The following ADGRA1 variants were observed in gnomAD, a reference collection of about 807,000 sequenced individuals.
ADGRA1 encodes the protein G-protein coupled receptor 123.
A neutral mutation model predicts 21.3 loss-of-function variants in ADGRA1; 12 were observed. The ratio of observed to expected loss-of-function variants is 0.56; its 90% CI spans 0.36 to 0.91. The LOEUF (loss-of-function observed/expected upper bound fraction) is 0.91, where lower values mean the gene tolerates loss of function less well. Ranked by LOEUF, ADGRA1 falls within the 40% of genes least tolerant of loss-of-function variation. The probability of loss-of-function intolerance (pLI) is 0.01; values close to 1 mark genes in which losing one functional copy is unlikely to be tolerated. For synonymous variants in ADGRA1, 385 were observed against 368.8 expected, an observed-to-expected ratio of 1.04 and a Z score of -0.50; for missense variants, 790 against 805.6, an observed-to-expected ratio of 0.98 and a Z score of 0.23.
chr10:133,087,993 C>T lies in ADGRA1; in HGVS notation c.-348C>T. 1.0e-6 allele frequency: 1 copy of T among 985,002 alleles called. No homozygotes were observed. The highest frequency in any genetic ancestry group is 1.2e-6 in the Non-Finnish European group (1 of 829,792). The allele number at this position is 985,002 out of a possible 1,614,324, so 61.0% of individuals were successfully genotyped here. On this transcript the variant is annotated 5_prime_UTR_variant, in exon 1 of 7. Coordinates refer to ENST00000392607, the MANE Select transcript of ADGRA1 (RefSeq NM_001083909.3). The stretch of plus-strand genomic sequence containing the variant: ...GGGGCTGTGACTCACCGGCCGGCGC[C>T]GCAGCCCCGCAATCTGTTGATAACT...
intron 5 of ADGRA1, among the ~76,000 whole-genome samples, chr10:133,117,280 T>TGCC (rs1175217435): frequency 6.6e-6 from 1 of 152,180 alleles, no homozygotes; most frequent in Admixed American, 6.5e-5. Flanking sequence ...CCCTGCCCAC[T>TGCC]GCCTGGGCCC....
At chr10:133,115,447 C>T (rs777687866) in intron 5 of ADGRA1, among the ~76,000 whole-genome samples, 1 of 152,210 alleles carries the variant, frequency 6.6e-6, no homozygotes, top group Non-Finnish European at 1.5e-5. Context: ...ACAGTCCTCA[C>T]GAGGCCACAG....
chr10:133,088,252 T>C (rs1250676499), intron 1 of ADGRA1, 114 bp downstream of exon 1: 1 of 370,808 alleles, frequency 2.7e-6, no homozygotes, highest in Non-Finnish European at 3.7e-6. Flanking sequence ...TCCGAGTAAC[T>C]TTCGGCTCCG....
chr10:133,114,375 A>T (rs528544458), intron 5 of ADGRA1, among the ~76,000 whole-genome samples: 1 of 152,334 alleles, frequency 6.6e-6, no homozygotes, highest in East Asian at 1.9e-4. Context: ...CAAGCGGACC[A>T]GAGCGGCGGT....
chr10:133,114,058 G>A (rs188773708), intron 5 of ADGRA1, among the ~76,000 whole-genome samples: 13 of 152,338 alleles, frequency 8.5e-5, no homozygotes, highest in South Asian at 4.1e-4. Context: ...TCTCCTGCCC[G>A]GTCCTGTTGT....
chr10:133,110,899 A>T (rs1052420085), intron 5 of ADGRA1, among the ~76,000 whole-genome samples: 2 of 152,150 alleles, frequency 1.3e-5, no homozygotes, highest in Non-Finnish European at 2.9e-5. Flanking sequence ...CCCTGGACAC[A>T]GGTGCTGCTG....
chr10:133,117,033 T>C (rs1591183601), intron 5 of ADGRA1, among the ~76,000 whole-genome samples: 1 of 152,070 alleles, frequency 6.6e-6, no homozygotes, highest in South Asian at 2.1e-4. Flanking sequence ...TCACGCTCTC[T>C]GTAGTGGGGT....
chr10:133,123,235 C>CT (rs1852309445), intron 5 of ADGRA1, among the ~76,000 whole-genome samples: 1 of 152,210 alleles, frequency 6.6e-6, no homozygotes, highest in Non-Finnish European at 1.5e-5. Context: ...GCATTGCTGG[C>CT]TGCGCCGTCC....
At chr10:133,128,253 G>A (rs1852420489) in intron 6 of ADGRA1, 76 bp from the exon 7 acceptor site, 2 of 1,158,468 alleles carry the variant, frequency 1.7e-6, no homozygotes, top group Non-Finnish European at 1.2e-6. Flanking sequence ...TGGGTGCAGG[G>A]CCCTTTGCTC....
At chr10:133,116,395 C>G (rs1852159530) in intron 5 of ADGRA1, among the ~76,000 whole-genome samples, 1 of 151,868 alleles carries the variant, frequency 6.6e-6, no homozygotes, top group Non-Finnish European at 1.5e-5. Flanking sequence ...CCTACGTGGT[C>G]CAGGCTTTGT....
At position 133,105,228 on chromosome 10, in the gene ADGRA1, A is replaced by G. The variant is rs901545305; in HGVS notation, c.401+2386A>G. On this transcript the variant is annotated intron_variant, in intron 5 of 6. Coordinates refer to ENST00000392607, the MANE Select transcript of ADGRA1 (RefSeq NM_001083909.3). ...GGCCGTTCCCATCCTGCCCTCTGAA[A>G]AGAATGCCCACACCACTTCCTGCCG... Among the ~76,000 whole-genome samples, 8 of 152,298 alleles carry G rather than the reference A, an allele frequency of 5.3e-5. No individual in the cohort carries two copies. In the South Asian group the frequency reaches 8.3e-4, roughly 16 times the overall value.
At chr10:133,120,079 T>G (rs1852227468) in intron 5 of ADGRA1, among the ~76,000 whole-genome samples, 1 of 152,246 alleles carries the variant, frequency 6.6e-6, no homozygotes, top group Admixed American at 6.5e-5. Flanking sequence ...TGGCATCTTC[T>G]TCCAGTAGAA....
At chr10:133,108,332 G>A (rs1851928817) in intron 5 of ADGRA1, among the ~76,000 whole-genome samples, 1 of 152,230 alleles carries the variant, frequency 6.6e-6, no homozygotes, top group Non-Finnish European at 1.5e-5. Flanking sequence ...CCTCAGCCTT[G>A]TAGGGGAGAG....
intron 2 of ADGRA1, among the ~76,000 whole-genome samples, chr10:133,096,569 A>T (rs1476843270): frequency 6.6e-6 from 1 of 152,230 alleles, no homozygotes; most frequent in Non-Finnish European, 1.5e-5. Flanking sequence ...GGCTGGGGCC[A>T]TCCCATGGTT....
chr10:133,090,134 G>A (rs1336278502), intron 2 of ADGRA1, among the ~76,000 whole-genome samples: 4 of 152,260 alleles, frequency 2.6e-5, no homozygotes, highest in Non-Finnish European at 5.9e-5. Context: ...GGGTGCTGCC[G>A]CAGCCCGGGG....
At chr10:133,096,741 C>T (rs1259637498) in intron 2 of ADGRA1, among the ~76,000 whole-genome samples, 2 of 152,216 alleles carry the variant, frequency 1.3e-5, no homozygotes, top group Non-Finnish European at 2.9e-5. Flanking sequence ...CAGTGGAGGG[C>T]GAGGACAGAC....
At chr10:133,093,321 C>G in intron 2 of ADGRA1, 4 of 1,521,668 alleles carry the variant, frequency 2.6e-6, no homozygotes, top group African/African-American at 2.7e-5. Context: ...CATCTTTCCT[C>G]CTTTGTTTTT....
intron 5 of ADGRA1, among the ~76,000 whole-genome samples, chr10:133,123,791 C>T (rs1219968525): frequency 6.6e-6 from 1 of 152,072 alleles, no homozygotes; most frequent in Non-Finnish European, 1.5e-5. Context: ...CCCTGAAAGC[C>T]AGCAGCCCTG....
At chr10:133,104,031 C>T (rs11101929) in intron 5 of ADGRA1, among the ~76,000 whole-genome samples, 2,914 of 152,304 alleles carry the variant, frequency 0.019, 40 homozygotes, top group Non-Finnish European at 0.027. Context: ...GAGACGTGAC[C>T]CGGTGCTGGC....
Sources: gnomAD v4.1 joint callset for allele counts (sites outside exome capture counted in the v4.1 genomes callset) on GRCh38, gnomAD v4.1.1 for gene constraint, MANE v1.5 for transcripts, NCBI Gene and HGNC (gene_info 2026-07-23, HGNC 2026-07-21) for gene names.